EBLN1: variants seen among roughly 807,000 people sequenced by gnomAD.
EBLN1 encodes the protein endogenous Bornavirus like nucleoprotein 1.
In EBLN1, 1 loss-of-function variant was observed where a neutral mutation model predicts 0.8. The observed-to-expected ratio is 1.32, with a 90% CI of 0.47 to 6.26. The LOEUF (loss-of-function observed/expected upper bound fraction) is 6.26. EBLN1 is among the 30% of genes most tolerant of loss of function. The pLI is 0.15. For synonymous variants in EBLN1, 158 were observed against 158.5 expected (o/e 1.00, Z 0.02); for missense variants, 396 against 447.9 (o/e 0.88, Z 1.05).
intron 2 of EBLN1, among the ~76,000 whole-genome samples, chr10:22,211,484 G>A (rs1248285584): frequency 6.6e-6 from 1 of 151,208 alleles, no homozygotes; most frequent in Non-Finnish European, 1.5e-5. Flanking sequence ...GTATTAAATC[G>A]TGTTAACAAA....
At chr10:22,210,705 A>C (rs1333567475) in intron 2 of EBLN1, among the ~76,000 whole-genome samples, 2 of 152,168 alleles carry the variant, frequency 1.3e-5, no homozygotes, top group Non-Finnish European at 2.9e-5. Flanking sequence ...AACCAAATCA[A>C]GTTTTGGGGC....
chr10:22,216,821 A>C (rs1834795419), intron 1 of EBLN1, among the ~76,000 whole-genome samples: 1 of 152,244 alleles, frequency 6.6e-6, no homozygotes, highest in African/African-American at 2.4e-5. Context: ...TTAATCAAGA[A>C]TCACGAGTAC....
In EBLN1 at chr10:22,209,704, G is replaced by C; in HGVS notation, c.280C>G (p.Leu94Val). 1 of 1,535,896 alleles carries C rather than the reference G, an allele frequency of 6.5e-7. No homozygotes were observed. The highest frequency in any genetic ancestry group is 8.7e-7 in the Non-Finnish European group (1 of 1,146,918). The change falls in exon 3 of 3, where the codon CTC (leucine) becomes GTC (valine). Residue 94 changes from leucine to valine, a missense_variant. Transcript: ENST00000422359. ...FIFDGLHKALLSVGVSKRSNI... is the reference protein window; with the variant it reads ...FIFDGLHKALVSVGVSKRSNI... ...GACCTTTTGCTCACACCGACACTGA[G>C]TAGTGCCTTGTGTAATCCATCGAAT... is the stretch of plus-strand genomic sequence containing the variant.
At chr10:22,215,044 T>C (rs1460506000) in intron 1 of EBLN1, among the ~76,000 whole-genome samples, 1 of 152,226 alleles carries the variant, frequency 6.6e-6, no homozygotes, top group Non-Finnish European at 1.5e-5. Context: ...CAAAAGATCA[T>C]ATGTTGTGCG....
chr10:22,209,776 A>G lies in EBLN1; in HGVS notation c.208T>C (p.Ser70Pro). 6.5e-7 allele frequency: 1 copy of G among 1,535,932 alleles called. No homozygotes were observed. Among genetic ancestry groups the G allele is most frequent in the African/African-American group, 1.4e-5 (1 of 73,146 alleles). ...TKSMLDPAQR[S>P]HFYLVTPSLV... ...CTTGGGGTTACAAGGTAAAAATGAG[A>G]TCTCTGTGCTGGGTCTAGCATAGAC... is the stretch of plus-strand genomic sequence containing the variant. The change falls in exon 3 of 3, where the codon TCT (serine) becomes CCT (proline). Residue 70 changes from serine (S) to proline (P), a missense_variant. Coordinates refer to ENST00000422359, the MANE Select transcript of EBLN1 (RefSeq NM_001394757.1).
rs767240178 is a variant in EBLN1, at chr10:22,209,633, A to C, written c.351T>G (p.Tyr117Ter). ...GCAAAACATCTTCAAATTTGCTAGC[A>C]TAGAGAGTACCTGTTTCCTTGTTCT... ...GNENKETGTLYASKFEDVLPT... is the reference protein window; with the variant it reads ...GNENKETGTL Residue 117 changes from tyrosine (Y) to a stop codon, truncating the protein, a stop_gained, in exon 3 of 3, where the codon TAT (tyrosine) becomes TAG (stop). Transcript: ENST00000422359. LOFTEE classifies it low-confidence loss of function (END_TRUNC). 1 of 1,535,826 alleles carries C rather than the reference A, an allele frequency of 6.5e-7. No homozygotes were observed. Among genetic ancestry groups the C allele is most frequent in the Non-Finnish European group, 8.7e-7 (1 of 1,146,992 alleles).
At chr10:22,215,851 C>T (rs200056881) in intron 1 of EBLN1, among the ~76,000 whole-genome samples, 1 of 151,886 alleles carries the variant, frequency 6.6e-6, no homozygotes, top group Non-Finnish European at 1.5e-5. Context: ...GGTATATGTA[C>T]TGGATGAAAT....
In EBLN1 at chr10:22,209,528, G is replaced by A. The variant is rs1819318; in HGVS notation, c.456C>T (p.Asp152=). 1.5e-3 allele frequency: 2,319 copies of A among 1,572,972 alleles called. 18 individuals are homozygous for A. The African/African-American group carries it at 0.029, about 19-fold the overall frequency. The change falls in exon 3 of 3, where the codon GAC becomes GAT. Residue 152 remains aspartate, a synonymous_variant. Transcript: ENST00000422359. The stretch of plus-strand genomic sequence containing the variant: ...CTTGGAGGCTGTTGGTGCATATCGG[G>A]TCACTCGATCCGGCAGCAATGCCTA... ...DLIGIAAGSS[D]PICTNSLQVQ...
In EBLN1 at chr10:22,209,224, A is replaced by C; in HGVS notation, c.760T>G (p.Leu254Val). 6.5e-7 allele frequency: 1 copy of C among 1,547,434 alleles called. No individual in the cohort carries two copies. Among genetic ancestry groups the C allele is most frequent in the Non-Finnish European group, 8.7e-7 (1 of 1,153,424 alleles). ...LDQCVDGSTA[L>V]PAVVLEIPVF... ...GGAATCTCCAACACAACAGCGGGTA[A>C]AGCAGTGGAACCATCCACACACTGA... The change falls in exon 3 of 3, where the codon TTA (leucine) becomes GTA (valine). Residue 254 changes from leucine (L) to valine (V), a missense_variant. Coordinates refer to ENST00000422359, the MANE Select transcript of EBLN1 (RefSeq NM_001394757.1).
rs188558021 is a variant in EBLN1, at chr10:22,209,370, A to C, written c.614T>G (p.Leu205Ter). ...WINSRPWVGGLMFTFLFGEFE... is the reference protein window; with the variant it reads ...WINSRPWVGG ...TTCTCCAAATAGAAATGTGAACATT[A>C]ATCCTCCAACCCATGGTCTTGAGTT... Residue 205 changes from leucine to a stop codon, truncating the protein, a stop_gained, in exon 3 of 3, where the codon TTA (leucine) becomes TGA (stop). Coordinates refer to ENST00000422359, the MANE Select transcript of EBLN1 (RefSeq NM_001394757.1). LOFTEE classifies it low-confidence loss of function (END_TRUNC). 57 of 1,605,646 alleles carry C rather than the reference A, an allele frequency of 3.5e-5. No individual in the cohort carries two copies. In the African/African-American group the frequency reaches 7.2e-4, roughly 20 times the overall value.
Position 22,209,184 on chromosome 10 carries a change from T to C in EBLN1, c.800A>G (p.Lys267Arg). ...AAGTACCTTTTTAGCCAGTGGTTTC[T>C]TCTGCTCAAAAACTGGAATCTCCAA... ...VVLEIPVFEQ[K>R]KPLAKKVLGD... The change falls in exon 3 of 3, where the codon AAG becomes AGG. Residue 267 changes from lysine to arginine, a missense_variant. Transcript: ENST00000422359. 1.3e-6 allele frequency: 2 copies of C among 1,536,460 alleles called. No individual in the cohort carries two copies. The highest frequency in any genetic ancestry group is 1.7e-6 in the Non-Finnish European group (2 of 1,147,250).
intron 1 of EBLN1, among the ~76,000 whole-genome samples, chr10:22,216,850 T>C (rs911075881): frequency 2.6e-5 from 4 of 152,182 alleles, no homozygotes; most frequent in African/African-American, 9.7e-5. Flanking sequence ...CTATGTGCAC[T>C]CCATCTCTGT....
intron 1 of EBLN1, among the ~76,000 whole-genome samples, 58 bp downstream of exon 1, chr10:22,217,858 G>C (rs74121383): frequency 0.062 from 9,418 of 152,244 alleles, 953 homozygotes; most frequent in African/African-American, 0.22. Context: ...TCACACTGCT[G>C]TAAATATACT....
At chr10:22,214,033 A>C (rs1248580335) in intron 1 of EBLN1, among the ~76,000 whole-genome samples, 9 of 152,170 alleles carry the variant, frequency 5.9e-5, no homozygotes, top group Non-Finnish European at 1.2e-4. Flanking sequence ...AAAAAAATTA[A>C]TAATCAATAA....
intron 1 of EBLN1, among the ~76,000 whole-genome samples, chr10:22,215,821 G>A (rs759362555): frequency 1.3e-5 from 2 of 152,012 alleles, no homozygotes; most frequent in African/African-American, 4.8e-5. Context: ...TGGTGATAGT[G>A]GAATAGTTAA....
chr10:22,209,664 C>A lies in EBLN1; in HGVS notation c.320G>T (p.Gly107Val). The change falls in exon 3 of 3, where the codon GGG becomes GTG. Residue 107 changes from glycine (G) to valine (V), a missense_variant. By Grantham distance (109) the Gly-to-Val change is moderately radical (BLOSUM62 -3). Transcript: ENST00000422359. ...GVSKRSNIVI[G>V]NENKETGTLY... Reference sequence around the variant, plus strand: ...AGTACCTGTTTCCTTGTTCTCATTCCCAATCACAATATTAGACCTTTTGCT... The same window carrying A: ...AGTACCTGTTTCCTTGTTCTCATTCACAATCACAATATTAGACCTTTTGCT... 3 of 1,535,762 alleles carry A rather than the reference C, an allele frequency of 2.0e-6. No individual in the cohort carries two copies. Among genetic ancestry groups the A allele is most frequent in the Non-Finnish European group, 2.6e-6 (3 of 1,146,896 alleles).
chr10:22,209,265 A>T lies in EBLN1; in HGVS notation c.719T>A (p.Val240Glu). Residue 240 changes from valine (V) to glutamate (E), a missense_variant, in exon 3 of 3, where the codon GTG (valine) becomes GAG (glutamate). Val to Glu is a moderately radical substitution (Grantham distance 121). Transcript: ENST00000422359. The stretch of plus-strand genomic sequence containing the variant: ...CACACACTGATCCAGGAACATTCTC[A>T]CAGTGTAGTAGGTCATCATCTGTGC... ...SKAQMMTYYT[V>E]RMFLDQCVDG... 6.3e-7 allele frequency: 1 copy of T among 1,579,856 alleles called. No homozygotes were observed. The highest frequency in any genetic ancestry group is 8.5e-7 in the Non-Finnish European group (1 of 1,170,338).
chr10:22,211,447 T>C (rs1213017896), intron 2 of EBLN1, among the ~76,000 whole-genome samples: 5 of 152,204 alleles, frequency 3.3e-5, no homozygotes, highest in South Asian at 2.1e-4. Context: ...TATTTCCTTA[T>C]GTTTACACAA....
In EBLN1 at chr10:22,209,903, T is replaced by C; in HGVS notation, c.81A>G (p.Gln27=). 6.7e-7 allele frequency: 1 copy of C among 1,484,654 alleles called. No individual in the cohort carries two copies. The highest frequency in any genetic ancestry group is 8.9e-7 in the Non-Finnish European group (1 of 1,125,176). 92.0% of individuals were successfully genotyped at this position (1,484,654 alleles called of 1,614,324 possible). A position where few individuals can be genotyped will look rare whatever the true frequency, so the allele number is the denominator to read the frequency against. The change falls in exon 3 of 3, where the codon CAA becomes CAG. Residue 27 remains glutamine (Q), a synonymous_variant. Coordinates refer to ENST00000422359, the MANE Select transcript of EBLN1 (RefSeq NM_001394757.1). ...TKDGSSFHYF[Q]GRFELSGKSR... ...TCTTCCCAGAGAGCTCAAATCTCCC[T>C]TGAAAGTAATGGAAGCTGCTCCCAT...
Sources: allele counts gnomAD v4.1 joint callset (sites outside exome capture counted in the v4.1 genomes callset), GRCh38; gene constraint gnomAD v4.1.1; transcripts MANE v1.5; gene names NCBI Gene and HGNC (gene_info 2026-07-23, HGNC 2026-07-21).